BTK: variants seen among roughly 807,000 people sequenced by gnomAD.
BTK encodes the protein tyrosine-protein kinase BTK.
BTK carries 5 observed loss-of-function variants against 57.4 expected under a neutral mutation model. The observed-to-expected ratio is 0.09, with a 90% CI of 0.05 to 0.18. The LOEUF is 0.18. BTK is among the 10% of genes least tolerant of loss of function. The pLI is 1.00. For missense variants in BTK, 194 were observed against 501.2 expected, an observed-to-expected ratio of 0.39 and a Z score of 5.85; for synonymous variants, 154 against 174.3, an observed-to-expected ratio of 0.88 and a Z score of 0.92.
chrX:101,374,022 G>A (rs975221514), intron 3 of BTK, among the ~76,000 whole-genome samples: 2 of 109,441 alleles, frequency 1.8e-5, no homozygotes, highest in Non-Finnish European at 3.8e-5. Flanking sequence ...TCCAGCCTGG[G>A]CAACAGAGCG....
intron 4 of BTK, 100 bp from the exon 5 acceptor site, chrX:101,370,179 T>C (rs986068723): frequency 5.6e-6 from 4 of 713,698 alleles, no homozygotes; most frequent in Non-Finnish European, 4.5e-6. Context: ...ATATTTATTG[T>C]AGAAAACAAA....
Position 101,349,840 on chromosome X carries a change from G to T in BTK, c.*45C>A. ...ATTTCCTCTGAGAAAGTGAAATTGG[G>T]GCTTGTGGAGAAGAGAAGTAGAACC... On this transcript the variant is annotated 3_prime_UTR_variant, in exon 19 of 19. Transcript: ENST00000308731. The T allele has an allele frequency of 4.5e-6, 5 of 1,109,740 alleles. No homozygotes were observed. The highest frequency in any genetic ancestry group is 6.2e-6 in the Non-Finnish European group (5 of 803,782). The allele number at this position is 1,109,740 out of a possible 1,213,427, so 91.5% of individuals were successfully genotyped here.
intron 7 of BTK, 52 bp from the exon 8 acceptor site, chrX:101,360,807 T>A (rs782431679): frequency 9.0e-7 from 1 of 1,111,654 alleles, no homozygotes; most frequent in Non-Finnish European, 1.2e-6. Flanking sequence ...CCAAGCACTC[T>A]TCTCTTCTCT....
intron 3 of BTK, among the ~76,000 whole-genome samples, chrX:101,372,913 A>G (rs12156856): frequency 0.1 from 10,603 of 106,266 alleles, 574 homozygotes; most frequent in East Asian, 0.22. Context: ...GTGAAACCCC[A>G]TCTCTACTAA....
chrX:101,381,919 T>C (rs187804701), intron 1 of BTK, among the ~76,000 whole-genome samples: 413 of 103,978 alleles, frequency 4.0e-3, no homozygotes, highest in African/African-American at 0.015. Context: ...GTAATCCCAG[T>C]TACTCAGGAG....
chrX:101,357,644 TCCTCACTTAAAG>T (rs1450648309), intron 12 of BTK, 61 bp from the exon 13 acceptor site: 1 of 941,147 alleles, frequency 1.1e-6, no homozygotes, highest in Non-Finnish European at 1.5e-6. Flanking sequence ...GCCTCACACA[TCCTCACTTAAAG>T]CCTCACACTT....
At chrX:101,350,100 A>AG (rs1926227191) in intron 18 of BTK, 144 bp from the exon 19 acceptor site, 2 of 468,400 alleles carry the variant, frequency 4.3e-6, no homozygotes, top group Non-Finnish European at 7.4e-6. Context: ...AAAAAAAAAA[A>AG]AAAAAGAAAT....
chrX:101,372,203 A>G (rs1555980421), intron 3 of BTK, among the ~76,000 whole-genome samples: 1 of 112,282 alleles, frequency 8.9e-6, no homozygotes, highest in East Asian at 2.8e-4. Flanking sequence ...AAATCCCTAT[A>G]TGGCAAAAAG....
chrX:101,356,726 G>T, intron 14 of BTK, 58 bp downstream of exon 14: 3 of 1,181,920 alleles, frequency 2.5e-6, no homozygotes, highest in East Asian at 3.0e-5. Flanking sequence ...GTGGGTTGTT[G>T]TGTGAATTCC....
chrX:101,389,794 C>G (rs1555982948), upstream of BTK, among the ~76,000 whole-genome samples: 1 of 111,799 alleles, frequency 8.9e-6, no homozygotes, highest in Non-Finnish European at 1.9e-5. Flanking sequence ...AAATAACAAC[C>G]TGTGTGACTT....
intron 5 of BTK, among the ~76,000 whole-genome samples, chrX:101,367,529 G>A (rs914849657): frequency 9.2e-6 from 1 of 108,893 alleles, no homozygotes; most frequent in African/African-American, 3.3e-5. Context: ...CCAACTACTC[G>A]GGAGGCTGAG....
At chrX:101,373,101 A>G (rs2147446248) in intron 3 of BTK, among the ~76,000 whole-genome samples, 1 of 110,150 alleles carries the variant, frequency 9.1e-6, no homozygotes, top group Non-Finnish European at 1.9e-5. Flanking sequence ...TAATAATAAT[A>G]AAAATAACAA....
intron 2 of BTK, among the ~76,000 whole-genome samples, chrX:101,374,935 T>C (rs1015366124): frequency 8.9e-6 from 1 of 111,792 alleles, no homozygotes; most frequent in African/African-American, 3.3e-5. Flanking sequence ...CAAGATTCCA[T>C]GGTAATATTT....
upstream of BTK, among the ~76,000 whole-genome samples, chrX:101,387,423 C>T (rs1555982616): frequency 1.0e-5 from 1 of 98,637 alleles, no homozygotes; most frequent in Non-Finnish European, 2.0e-5. Flanking sequence ...GTGATCATGG[C>T]TCACTGCAGC....
chrX:101,370,873 TG>T (rs1927006843), intron 4 of BTK, among the ~76,000 whole-genome samples: 1 of 112,664 alleles, frequency 8.9e-6, no homozygotes, highest in African/African-American at 3.2e-5. Flanking sequence ...TGAAAGGCAT[TG>T]GTAGTAAAAA....
intron 15 of BTK, chrX:101,355,644 A>T (rs192225235): frequency 1.1e-3 from 166 of 151,757 alleles, no homozygotes; most frequent in Non-Finnish European, 1.6e-3. Flanking sequence ...TATATAACAT[A>T]AAAAAAACCC....
chrX:101,364,810 C>T (rs1034565177), intron 5 of BTK, among the ~76,000 whole-genome samples: 26 of 110,045 alleles, frequency 2.4e-4, no homozygotes, highest in African/African-American at 8.6e-4. Flanking sequence ...GGTGCCACCT[C>T]GGCTCACTGT....
At chrX:101,368,449 G>A (rs1228092331) in intron 5 of BTK, among the ~76,000 whole-genome samples, 2 of 112,142 alleles carry the variant, frequency 1.8e-5, no homozygotes, top group Non-Finnish European at 3.8e-5. Flanking sequence ...GGGCTTTGGA[G>A]TCATACAGAC....
intron 1 of BTK, among the ~76,000 whole-genome samples, chrX:101,379,190 AAAG>A (rs1487649505): frequency 2.7e-5 from 3 of 109,735 alleles, no homozygotes; most frequent in Admixed American, 9.8e-5. Flanking sequence ...TAAAAAAAAA[AAAG>A]AAGAAGAATA....
Sources: gnomAD v4.1 joint callset for allele counts (sites outside exome capture counted in the v4.1 genomes callset) on GRCh38, gnomAD v4.1.1 for gene constraint, MANE v1.5 for transcripts, NCBI Gene and HGNC (gene_info 2026-07-23, HGNC 2026-07-21) for gene names.